The following LSAMP variants were observed in gnomAD, a reference collection of about 807,000 sequenced individuals.
LSAMP encodes the protein limbic system-associated membrane protein.
LSAMP carries 7 observed loss-of-function variants against 38.6 expected under a neutral mutation model. The ratio of observed to expected loss-of-function variants is 0.18; its 90% CI spans 0.10 to 0.34. The LOEUF (loss-of-function observed/expected upper bound fraction) is 0.34, where lower values mean the gene tolerates loss of function less well. Ranked by LOEUF, LSAMP falls within the 10% of genes least tolerant of loss-of-function variation. The probability of loss-of-function intolerance (pLI) is 1.00; values close to 1 mark genes in which losing one functional copy is unlikely to be tolerated. For missense variants in LSAMP, 313 were observed against 420.0 expected (o/e 0.75, Z 2.23); for synonymous variants, 154 against 166.8 (o/e 0.92, Z 0.59).
intron 1 of LSAMP, among the ~76,000 whole-genome samples, chr3:116,336,499 A>C (rs2047921064): frequency 6.6e-6 from 1 of 152,090 alleles, no homozygotes; most frequent in Admixed American, 6.6e-5. Flanking sequence ...ACGTGAAAAG[A>C]TGCTCAACAT....
intron 1 of LSAMP, among the ~76,000 whole-genome samples, chr3:116,403,069 G>A (rs865879003): frequency 2.6e-5 from 4 of 152,192 alleles, no homozygotes; most frequent in South Asian, 2.1e-4. Context: ...GTCCAGAGAG[G>A]TCATGAAATC....
chr3:116,010,430 A>G (rs780879117), intron 3 of LSAMP, among the ~76,000 whole-genome samples: 6 of 152,228 alleles, frequency 3.9e-5, no homozygotes, highest in Non-Finnish European at 7.3e-5. Context: ...AGGCACTACA[A>G]TGGGAACTAA....
chr3:116,205,050 C>G (rs2046047106), intron 1 of LSAMP, among the ~76,000 whole-genome samples: 2 of 142,466 alleles, frequency 1.4e-5, no homozygotes, highest in Non-Finnish European at 3.1e-5. Flanking sequence ...AATGTTCTTC[C>G]ATTTGTTTGT....
At chr3:115,911,433 C>A (rs1341671378) in intron 3 of LSAMP, among the ~76,000 whole-genome samples, 7 of 152,236 alleles carry the variant, frequency 4.6e-5, no homozygotes, top group Non-Finnish European at 1.0e-4. Context: ...TCACTGCTCA[C>A]TGCAGCCTCG....
In LSAMP at chr3:115,802,496, G is replaced by GAA. The variant is rs1933535923; in HGVS notation, c.*7819_*7820dup. 1 of 149,380 alleles carries GAA rather than the reference G, an allele frequency of 6.7e-6. No individual in the cohort carries two copies. Among genetic ancestry groups the GAA allele is most frequent in the Non-Finnish European group, 1.5e-5 (1 of 67,542 alleles). 9.3% of individuals were successfully genotyped at this position (149,380 alleles called of 1,614,324 possible). ...AATTTAAATACATTTAAAAAGAAAA[G>GAA]AAAAAAAGCTTTTTTTCATTTTAAT... is the stretch of plus-strand genomic sequence containing the variant. On this transcript the variant is annotated 3_prime_UTR_variant, in exon 7 of 7. Coordinates refer to ENST00000490035, the MANE Select transcript of LSAMP (RefSeq NM_002338.5).
At chr3:116,357,966 C>T (rs1011992405) in intron 1 of LSAMP, among the ~76,000 whole-genome samples, 1 of 151,100 alleles carries the variant, frequency 6.6e-6, no homozygotes. Flanking sequence ...AAGTAAAACA[C>T]CAGGAAACTT....
intron 1 of LSAMP, among the ~76,000 whole-genome samples, chr3:116,247,290 CTACTG>C (rs1462944848): frequency 3.9e-5 from 6 of 152,194 alleles, no homozygotes; most frequent in Non-Finnish European, 2.9e-5. Flanking sequence ...AGAGAACTCA[CTACTG>C]TACTCTATCA....
chr3:116,396,138 T>G (rs1035961287), intron 1 of LSAMP, among the ~76,000 whole-genome samples: 1 of 152,336 alleles, frequency 6.6e-6, no homozygotes, highest in East Asian at 1.9e-4. Flanking sequence ...ATATGCAATG[T>G]GGCTACCAGG....
At chr3:115,992,292 G>C (rs1249831996) in intron 3 of LSAMP, among the ~76,000 whole-genome samples, 2 of 152,030 alleles carry the variant, frequency 1.3e-5, no homozygotes, top group East Asian at 3.9e-4. Flanking sequence ...AGCAGTAGTT[G>C]ATGAGGGCCA....
intron 3 of LSAMP, among the ~76,000 whole-genome samples, chr3:115,958,186 C>A (rs1403412760): frequency 6.6e-6 from 1 of 152,142 alleles, no homozygotes; most frequent in Non-Finnish European, 1.5e-5. Flanking sequence ...TGCAAAGTGC[C>A]TATTTTGATG....
Position 115,805,660 on chromosome 3 carries a change from G to T in LSAMP, c.*4657C>A, listed in dbSNP as rs1262562325. 6.6e-6 allele frequency: 1 copy of T among 152,204 alleles called. No individual in the cohort carries two copies. The highest frequency in any genetic ancestry group is 2.4e-5 in the African/African-American group (1 of 41,454). The allele number at this position is 152,204 out of a possible 1,614,324, so 9.4% of individuals were successfully genotyped here. A position where few individuals can be genotyped will look rare whatever the true frequency, so the allele number is the denominator to read the frequency against. ...ACGTTAACACCAGCTTCCTTGCCAA[G>T]AGAAAAGTGAGATGTACATGCTGGG... On this transcript the variant is annotated 3_prime_UTR_variant, in exon 7 of 7. Transcript: ENST00000490035.
intron 1 of LSAMP, among the ~76,000 whole-genome samples, chr3:116,276,134 T>C (rs552770738): frequency 6.6e-6 from 1 of 152,280 alleles, no homozygotes; most frequent in South Asian, 2.1e-4. Flanking sequence ...TTCTAATTGG[T>C]TTATACTTTA....
At chr3:116,441,824 T>C (rs187913614) in intron 1 of LSAMP, among the ~76,000 whole-genome samples, 115 of 152,296 alleles carry the variant, frequency 7.6e-4, no homozygotes, top group South Asian at 2.1e-3. Context: ...ATTCTGGTTG[T>C]TCTATTTAGG....
intron 1 of LSAMP, among the ~76,000 whole-genome samples, chr3:116,400,071 T>A (rs924449307): frequency 6.6e-6 from 1 of 152,204 alleles, no homozygotes; most frequent in Admixed American, 6.5e-5. Flanking sequence ...GGACTAAATA[T>A]TAAGGCTACA....
chr3:116,270,166 A>G (rs1055053252), intron 1 of LSAMP, among the ~76,000 whole-genome samples: 2 of 152,162 alleles, frequency 1.3e-5, no homozygotes, highest in African/African-American at 4.8e-5. Context: ...AGATTTTTAT[A>G]TGAAACATGT....
chr3:116,017,887 A>T (rs1208261028), intron 3 of LSAMP, among the ~76,000 whole-genome samples: 3 of 152,184 alleles, frequency 2.0e-5, no homozygotes, highest in African/African-American at 7.2e-5. Context: ...ATGAGCCAAT[A>T]GCTTCTATAC....
chr3:116,295,264 C>CT (rs1011859109), intron 1 of LSAMP, among the ~76,000 whole-genome samples: 1 of 152,150 alleles, frequency 6.6e-6, no homozygotes, highest in African/African-American at 2.4e-5. Flanking sequence ...AGGGGAGCCT[C>CT]TTTTTGCTGA....
chr3:115,947,303 G>A (rs1278421741), intron 3 of LSAMP, among the ~76,000 whole-genome samples: 1 of 152,010 alleles, frequency 6.6e-6, no homozygotes. Context: ...AATGAATTAA[G>A]GCAAGAAAAA....
intron 1 of LSAMP, among the ~76,000 whole-genome samples, chr3:116,112,443 C>A (rs150576848): frequency 8.0e-4 from 122 of 152,200 alleles, no homozygotes; most frequent in Non-Finnish European, 1.6e-3. Flanking sequence ...AATGAGCTTG[C>A]GAATGACTAT....
Sources: allele counts gnomAD v4.1 joint callset (sites outside exome capture counted in the v4.1 genomes callset), GRCh38; gene constraint gnomAD v4.1.1; transcripts MANE v1.5; gene names NCBI Gene and HGNC (gene_info 2026-07-23, HGNC 2026-07-21).